Variants in AGBL4 observed in about 807,000 individuals in gnomAD.
The protein encoded by AGBL4 is cytosolic carboxypeptidase 6.
AGBL4 carries 58 observed loss-of-function variants against 66.4 expected under a neutral mutation model. That is an observed-to-expected ratio of 0.87 (90% CI 0.71 to 1.09). The LOEUF (loss-of-function observed/expected upper bound fraction) is 1.09, where lower values mean the gene tolerates loss of function less well. Among genes scored for constraint, AGBL4 ranks in the 50% least tolerant of loss-of-function variants. AGBL4 has a pLI of 0.00. For synonymous variants in AGBL4, 234 were observed against 222.9 expected (o/e 1.05, Z -0.44); for missense variants, 579 against 631.0 (o/e 0.92, Z 0.88).
intron 6 of AGBL4, among the ~76,000 whole-genome samples, chr1:48,808,363 C>A (rs1645975181): frequency 6.6e-6 from 1 of 152,158 alleles, no homozygotes; most frequent in Non-Finnish European, 1.5e-5. Flanking sequence ...GATATTAGTA[C>A]TCCTGCTTTT....
chr1:48,872,129 A>C (rs942225207), intron 5 of AGBL4, among the ~76,000 whole-genome samples: 6 of 152,178 alleles, frequency 3.9e-5, no homozygotes, highest in African/African-American at 1.4e-4. Flanking sequence ...AGAACTGGGA[A>C]TATTTCCAGA....
chr1:49,247,715 G>A (rs908782869), intron 3 of AGBL4, among the ~76,000 whole-genome samples: 1 of 152,080 alleles, frequency 6.6e-6, no homozygotes, highest in East Asian at 1.9e-4. Flanking sequence ...AATATGTGAA[G>A]CTGGAATAAA....
intron 3 of AGBL4, among the ~76,000 whole-genome samples, chr1:49,600,471 T>A (rs1024120009): frequency 1.3e-5 from 2 of 152,220 alleles, no homozygotes; most frequent in African/African-American, 4.8e-5. Flanking sequence ...TGGTAAATAT[T>A]CCTCCACCAA....
chr1:49,379,373 C>T (rs1644542591), intron 3 of AGBL4, among the ~76,000 whole-genome samples: 1 of 152,142 alleles, frequency 6.6e-6, no homozygotes, highest in African/African-American at 2.4e-5. Flanking sequence ...TTTAATGCAG[C>T]ATAGAACTGC....
chr1:49,548,972 G>A (rs1652733694), intron 3 of AGBL4, among the ~76,000 whole-genome samples: 1 of 151,840 alleles, frequency 6.6e-6, no homozygotes, highest in Non-Finnish European at 1.5e-5. Context: ...TCTGTTCATG[G>A]TATCTCATTC....
intron 6 of AGBL4, among the ~76,000 whole-genome samples, chr1:48,734,896 C>G (rs1466708182): frequency 6.6e-6 from 1 of 152,168 alleles, no homozygotes; most frequent in Non-Finnish European, 1.5e-5. Context: ...GTCTTACTTT[C>G]TTTATGAAGA....
At chr1:48,635,933 T>C (rs985161071) in intron 8 of AGBL4, among the ~76,000 whole-genome samples, 1 of 152,252 alleles carries the variant, frequency 6.6e-6, no homozygotes, top group Non-Finnish European at 1.5e-5. Context: ...TGTTTCTTTG[T>C]TAGAAAACTC....
At chr1:49,286,115 T>C (rs1259448839) in intron 3 of AGBL4, among the ~76,000 whole-genome samples, 2 of 152,290 alleles carry the variant, frequency 1.3e-5, no homozygotes, top group East Asian at 1.9e-4. Context: ...AAAAACCACA[T>C]GATTATCTCA....
chr1:49,011,356 G>T (rs1408439089), intron 5 of AGBL4, among the ~76,000 whole-genome samples: 3 of 151,472 alleles, frequency 2.0e-5, no homozygotes, highest in African/African-American at 7.3e-5. Context: ...AGTTAGAATG[G>T]CAATCATTAA....
intron 1 of AGBL4, among the ~76,000 whole-genome samples, chr1:49,870,929 T>G (rs1646823046): frequency 6.6e-6 from 1 of 152,086 alleles, no homozygotes; most frequent in Non-Finnish European, 1.5e-5. Flanking sequence ...GCCAACACAG[T>G]TCATAAAGCC....
At chr1:50,001,720 A>G (rs1660771812) in intron 1 of AGBL4, among the ~76,000 whole-genome samples, 1 of 152,198 alleles carries the variant, frequency 6.6e-6, no homozygotes, top group South Asian at 2.1e-4. Context: ...TCCAGCCAAC[A>G]GTGAATGTGC....
intron 2 of AGBL4, among the ~76,000 whole-genome samples, chr1:49,826,062 A>T (rs1460884616): frequency 1.3e-5 from 2 of 152,214 alleles, no homozygotes; most frequent in African/African-American, 4.8e-5. Flanking sequence ...TTAAAAATGA[A>T]AACTAATTTA....
chr1:48,773,531 G>A (rs1204166874), intron 6 of AGBL4, among the ~76,000 whole-genome samples: 2 of 152,174 alleles, frequency 1.3e-5, no homozygotes, highest in Non-Finnish European at 2.9e-5. Flanking sequence ...GATGGTAATG[G>A]AGAAAGAGCA....
At chr1:49,123,608 G>A (rs1645706681) in intron 4 of AGBL4, among the ~76,000 whole-genome samples, 1 of 152,152 alleles carries the variant, frequency 6.6e-6, no homozygotes. Context: ...CCCATGAAAT[G>A]TTTTTCCTAT....
intron 5 of AGBL4, among the ~76,000 whole-genome samples, chr1:48,889,279 C>T (rs771841943): frequency 2.0e-5 from 3 of 152,180 alleles, no homozygotes; most frequent in Admixed American, 6.5e-5. Flanking sequence ...TTCGGACGCA[C>T]GCCTGTGACA....
chr1:49,092,507 A>C (rs1389910292), intron 4 of AGBL4, among the ~76,000 whole-genome samples: 1 of 152,064 alleles, frequency 6.6e-6, no homozygotes, highest in African/African-American at 2.4e-5. Context: ...CTTGAGGCTC[A>C]TTTTCTGAAT....
At chr1:49,668,862 G>A (rs984519388) in intron 3 of AGBL4, among the ~76,000 whole-genome samples, 5 of 152,112 alleles carry the variant, frequency 3.3e-5, no homozygotes, top group African/African-American at 1.2e-4. Flanking sequence ...TCTTTTGTTA[G>A]ACACAGATAT....
intron 3 of AGBL4, among the ~76,000 whole-genome samples, chr1:49,399,874 T>C (rs955847549): frequency 1.3e-5 from 2 of 152,088 alleles, no homozygotes; most frequent in South Asian, 2.1e-4. Context: ...TGTCCATTTT[T>C]GCTTTGGTTG....
intron 3 of AGBL4, among the ~76,000 whole-genome samples, chr1:49,582,087 G>C (rs1432437150): frequency 6.6e-6 from 1 of 152,110 alleles, no homozygotes; most frequent in African/African-American, 2.4e-5. Flanking sequence ...TGTTCCCCAG[G>C]ACAAGTCCTT....
Sources: gnomAD v4.1 joint callset for allele counts (sites outside exome capture counted in the v4.1 genomes callset) on GRCh38, gnomAD v4.1.1 for gene constraint, MANE v1.5 for transcripts, NCBI Gene and HGNC (gene_info 2026-07-23, HGNC 2026-07-21) for gene names.